Variants in DOCK7 observed in about 807,000 individuals in gnomAD.
DOCK7 encodes the protein dedicator of cytokinesis 7.
Under a neutral mutation model 271.0 loss-of-function variants are expected in DOCK7, and 138 were observed. The ratio of observed to expected loss-of-function variants is 0.51; its 90% CI spans 0.44 to 0.59. The LOEUF (loss-of-function observed/expected upper bound fraction) is 0.59. Ranked by LOEUF, DOCK7 falls within the 20% of genes least tolerant of loss-of-function variation. The probability of loss-of-function intolerance (pLI) is 0.00; values close to 1 mark genes in which losing one functional copy is unlikely to be tolerated. For synonymous variants in DOCK7, 823 were observed against 876.1 expected, an observed-to-expected ratio of 0.94 and a Z score of 1.07; for missense variants, 2,066 against 2,592.4, an observed-to-expected ratio of 0.80 and a Z score of 4.41.
At chr1:62,525,344 T>C (rs927170264) in intron 31 of DOCK7, among the ~76,000 whole-genome samples, 5 of 152,084 alleles carry the variant, frequency 3.3e-5, no homozygotes, top group Admixed American at 1.3e-4. Flanking sequence ...TATGCAATTA[T>C]ATCATCAATC....
At chr1:62,571,933 G>A (rs925881358) in intron 18 of DOCK7, among the ~76,000 whole-genome samples, 2 of 152,098 alleles carry the variant, frequency 1.3e-5, no homozygotes, top group African/African-American at 2.4e-5. Context: ...GAGAGCATCA[G>A]GAAAAATAGC....
intron 1 of DOCK7, among the ~76,000 whole-genome samples, 177 bp from the exon 2 acceptor site, chr1:62,663,307 T>C (rs1658896262): frequency 6.6e-6 from 1 of 152,152 alleles, no homozygotes; most frequent in Admixed American, 6.5e-5. Flanking sequence ...TAGTTTATAA[T>C]TACATTACAA....
intron 43 of DOCK7, chr1:62,482,049 A>C (rs1296081293): frequency 3.3e-5 from 5 of 152,234 alleles, no homozygotes; most frequent in African/African-American, 1.2e-4. Flanking sequence ...GGGAAATATA[A>C]AACCTCTTAG....
chr1:62,558,752 G>A (rs899693512), intron 20 of DOCK7, among the ~76,000 whole-genome samples: 1 of 151,952 alleles, frequency 6.6e-6, no homozygotes, highest in Non-Finnish European at 1.5e-5. Flanking sequence ...TAAATATTTG[G>A]TAAATAAATA....
intron 10 of DOCK7, 69 bp from the exon 11 acceptor site, chr1:62,631,474 T>C: frequency 7.6e-7 from 1 of 1,322,560 alleles, no homozygotes; most frequent in Non-Finnish European, 1.0e-6. Flanking sequence ...TATTTCATAC[T>C]ACATAAAGGA....
intron 2 of DOCK7, among the ~76,000 whole-genome samples, chr1:62,660,711 A>G (rs894749799): frequency 6.6e-6 from 1 of 152,212 alleles, no homozygotes; most frequent in Non-Finnish European, 1.5e-5. Context: ...ATTATTCACA[A>G]TAGCCAAAAG....
chr1:62,684,078 A>T (rs1661463244), intron 1 of DOCK7, among the ~76,000 whole-genome samples: 1 of 152,126 alleles, frequency 6.6e-6, no homozygotes, highest in Non-Finnish European at 1.5e-5. Context: ...CGTCACTACT[A>T]AAAATACAAA....
intron 14 of DOCK7, among the ~76,000 whole-genome samples, chr1:62,589,842 A>G (rs34029405): frequency 1.3e-5 from 2 of 149,964 alleles, no homozygotes; most frequent in Non-Finnish European, 3.0e-5. Flanking sequence ...AGATCGCGCC[A>G]CTGCACTCCA....
At chr1:62,493,448 A>T (rs1646523208) in intron 40 of DOCK7, among the ~76,000 whole-genome samples, 1 of 152,130 alleles carries the variant, frequency 6.6e-6, no homozygotes, top group South Asian at 2.1e-4. Flanking sequence ...ATTTCCACGG[A>T]ATCTCTTTTG....
intron 1 of DOCK7, 109 bp downstream of exon 1, chr1:62,688,118 T>TCCCGGTGCCGGCCCCGCCAC (rs1662049596): frequency 8.6e-7 from 1 of 1,166,796 alleles, no homozygotes; most frequent in African/African-American, 1.6e-5. Context: ...GGCCGCGGGA[T>TCCCGGTGCCGGCCCCGCCAC]CCCGGTGCCG....
intron 4 of DOCK7, among the ~76,000 whole-genome samples, chr1:62,652,251 G>C (rs906257329): frequency 8.6e-5 from 13 of 152,044 alleles, no homozygotes; most frequent in African/African-American, 3.1e-4. Flanking sequence ...CTTCTCCTTA[G>C]ATTATTCTGT....
At chr1:62,482,717 TTTTC>T (rs1343861902) in intron 43 of DOCK7, 1 of 152,198 alleles carries the variant, frequency 6.6e-6, no homozygotes, top group Admixed American at 6.5e-5. Flanking sequence ...TTCTCTGGTG[TTTTC>T]TTGAGAATTC....
At chr1:62,683,856 G>GGCAGA in intron 1 of DOCK7, among the ~76,000 whole-genome samples, 1 of 152,038 alleles carries the variant, frequency 6.6e-6, no homozygotes, top group Non-Finnish European at 1.5e-5. Context: ...TAAACCTGGG[G>GGCAGA]GCAGAGACTT....
At chr1:62,479,575 A>G (rs1329166909) in intron 43 of DOCK7, 1 of 159,632 alleles carries the variant, frequency 6.3e-6, no homozygotes, top group African/African-American at 2.4e-5. Flanking sequence ...ACTGCATGAA[A>G]AATAAAAAAA....
chr1:62,584,309 TCA>T, intron 15 of DOCK7: 1 of 981,414 alleles, frequency 1.0e-6, no homozygotes, highest in Non-Finnish European at 1.2e-6. Context: ...TAGTATGTTT[TCA>T]TAAATTGTTC....
chr1:62,654,984 C>T lies in DOCK7; in HGVS notation c.145-825G>A, dbSNP rs147340409. Among the ~76,000 whole-genome samples, 47 of 152,328 alleles carry T rather than the reference C, an allele frequency of 3.1e-4. No individual in the cohort carries two copies. In the East Asian group the frequency reaches 8.5e-3, roughly 28 times the overall value. On this transcript the variant is annotated intron_variant, in intron 2 of 49. Coordinates refer to ENST00000635253, the MANE Select transcript of DOCK7 (RefSeq NM_001367561.1). Reference sequence around the variant, plus strand: ...TGAAGAAAGCACAGCCCTGCCAAAACCTTATTTTAGTCCAGTGATACTGAT... The same window carrying T: ...TGAAGAAAGCACAGCCCTGCCAAAATCTTATTTTAGTCCAGTGATACTGAT...
In DOCK7 at chr1:62,504,681, G is replaced by A. The variant is rs149949352; in HGVS notation, c.4713C>T (p.His1571=). The A allele has an allele frequency of 1.3e-4, 202 of 1,614,058 alleles. No homozygotes were observed. In the African/African-American group the frequency reaches 2.2e-3, roughly 18 times the overall value. ...CSSSIGTIRS[H]ASASLYLLMR... ...TTAGTAGGTAAAGGGAGGCACTGGC[G>A]TGTGACCGTATTGTACCGATGCTAC... Residue 1571 remains histidine (H), a synonymous_variant, in exon 37 of 50, where the codon CAC becomes CAT. Coordinates refer to ENST00000635253, the MANE Select transcript of DOCK7 (RefSeq NM_001367561.1).
At chr1:62,651,657 G>A (rs67537755) in intron 4 of DOCK7, among the ~76,000 whole-genome samples, 31,073 of 151,560 alleles carry the variant, frequency 0.21, 3,711 homozygotes, top group Non-Finnish European at 0.27. Context: ...CAAAGATAAC[G>A]AATTGATTTT....
At chr1:62,568,144 ATGAC>A (rs199557703) in intron 18 of DOCK7, among the ~76,000 whole-genome samples, 1,576 of 152,290 alleles carry the variant, frequency 0.01, 17 homozygotes, top group Non-Finnish European at 0.015. Context: ...TTGCTCCTGA[ATGAC>A]TGTTGGGTAA....
Sources: gnomAD v4.1 joint callset for allele counts (sites outside exome capture counted in the v4.1 genomes callset) on GRCh38, gnomAD v4.1.1 for gene constraint, MANE v1.5 for transcripts, NCBI Gene and HGNC (gene_info 2026-07-23, HGNC 2026-07-21) for gene names.